The following HIPK1 variants were observed in gnomAD, a reference collection of about 807,000 sequenced individuals.
HIPK1 encodes homeodomain interacting protein kinase 1, also known as homeodomain-interacting protein kinase 1.
A neutral mutation model predicts 117.1 loss-of-function variants in HIPK1; 28 were observed. The observed-to-expected ratio is 0.24, with a 90% confidence interval of 0.18 to 0.33. The LOEUF is 0.33. Among genes scored for constraint, HIPK1 ranks in the 10% least tolerant of loss-of-function variants. HIPK1 has a pLI of 1.00. For missense variants in HIPK1, 1,122 were observed against 1,475.1 expected, an observed-to-expected ratio of 0.76 and a Z score of 3.92; for synonymous variants, 605 against 562.5, an observed-to-expected ratio of 1.08 and a Z score of -1.07.
At chr1:113,949,128 G>C (rs1348076766) in intron 2 of HIPK1, among the ~76,000 whole-genome samples, 1 of 152,194 alleles carries the variant, frequency 6.6e-6, no homozygotes, top group African/African-American at 2.4e-5. Context: ...GTGAGCCACC[G>C]CGCCTGGCCT....
intron 8 of HIPK1, among the ~76,000 whole-genome samples, chr1:113,959,317 A>T (rs1671937140): frequency 6.6e-6 from 1 of 152,066 alleles, no homozygotes; most frequent in African/African-American, 2.4e-5. Flanking sequence ...AGAGATTACC[A>T]GGAGGACAGG....
intron 1 of HIPK1, among the ~76,000 whole-genome samples, chr1:113,931,151 T>C (rs1669866516): frequency 6.6e-6 from 1 of 150,378 alleles, no homozygotes; most frequent in Non-Finnish European, 1.5e-5. Context: ...AAGCTATTTT[T>C]GATCTCTGGT....
At chr1:113,968,808 G>A (rs1672631429) in intron 13 of HIPK1, among the ~76,000 whole-genome samples, 160 bp downstream of exon 13, 1 of 152,190 alleles carries the variant, frequency 6.6e-6, no homozygotes, top group Admixed American at 6.5e-5. Context: ...ATCACCTGAG[G>A]TGAGGAGTTC....
chr1:113,976,180 T>A lies in HIPK1; in HGVS notation c.*2668T>A, dbSNP rs1383077651. ...GTCCGTACAGCCTACCAGGAACATGTTGTGTTTTCTTTATTTTTTAAAATC... is the reference window on the plus strand; with the variant it reads ...GTCCGTACAGCCTACCAGGAACATGATGTGTTTTCTTTATTTTTTAAAATC... On this transcript the variant is annotated 3_prime_UTR_variant, in exon 16 of 16. Transcript: ENST00000426820. The A allele has an allele frequency of 6.5e-6, 1 of 152,758 alleles. No homozygotes were observed. The highest frequency in any genetic ancestry group is 2.4e-5 in the African/African-American group (1 of 41,454). 9.5% of individuals were successfully genotyped at this position (152,758 alleles called of 1,614,324 possible). A position where few individuals can be genotyped will look rare whatever the true frequency, so the allele number is the denominator to read the frequency against.
chr1:113,929,514 C>A lies in HIPK1; in HGVS notation c.-21C>A, dbSNP rs1225444067. The stretch of plus-strand genomic sequence containing the variant: ...ATGCGATCGTCCTAGAGAGTCCATT[C>A]AGCTGCACTTCCGCCTCAGTAGGTG... On this transcript the variant is annotated 5_prime_UTR_variant, in exon 1 of 16. Transcript: ENST00000426820. 1 of 1,289,130 alleles carries A rather than the reference C, an allele frequency of 7.8e-7. No individual in the cohort carries two copies. Among genetic ancestry groups the A allele is most frequent in the South Asian group, 1.2e-5 (1 of 81,040 alleles). The allele number at this position is 1,289,130 out of a possible 1,614,324, so 79.9% of individuals were successfully genotyped here.
chr1:113,932,385 T>A (rs1669956417), intron 1 of HIPK1, among the ~76,000 whole-genome samples: 1 of 150,668 alleles, frequency 6.6e-6, no homozygotes, highest in South Asian at 2.1e-4. Flanking sequence ...TTTTTTTTTT[T>A]TTTTTTATTT....
rs745991566 is a variant in HIPK1 at position 113,940,502 on chromosome 1, A to G, written c.119A>G (p.Asp40Gly). The G allele has an allele frequency of 3.7e-6, 6 of 1,614,044 alleles. No individual in the cohort carries two copies. The East Asian group carries it at 1.1e-4, about 30-fold the overall frequency. The change falls in exon 2 of 16, where the codon GAC becomes GGC. Residue 40 changes from aspartate to glycine, a missense_variant. By Grantham distance (94) the Asp-to-Gly change is moderately conservative. Transcript: ENST00000426820. ...GATGTTTCAGGACAGAGTAGCAACG[A>G]CAAATATTATACCCACAGCAAAACC... ...GWDVSGQSSNDKYYTHSKTLP... is the reference protein window; with the variant it reads ...GWDVSGQSSNGKYYTHSKTLP...
intron 1 of HIPK1, among the ~76,000 whole-genome samples, chr1:113,932,809 G>A (rs1489781461): frequency 6.6e-6 from 1 of 151,922 alleles, no homozygotes; most frequent in Non-Finnish European, 1.5e-5. Context: ...TACTCTACAC[G>A]GTTTTTTATT....
At chr1:113,952,685 T>G in intron 2 of HIPK1, 81 bp from the exon 3 acceptor site, 2 of 1,085,684 alleles carry the variant, frequency 1.8e-6, no homozygotes, top group Non-Finnish European at 2.4e-6. Context: ...TAGCTAATAC[T>G]AAAACAGGAC....
chr1:113,936,767 TCA>T (rs1670277757), intron 1 of HIPK1, among the ~76,000 whole-genome samples: 1 of 152,222 alleles, frequency 6.6e-6, no homozygotes, highest in Non-Finnish European at 1.5e-5. Flanking sequence ...TGAATTCTTT[TCA>T]GTATTACTTT....
rs540272704 is a variant in HIPK1, at chr1:113,942,403, T to C, written c.1076+944T>C. 2.6e-5 allele frequency among the ~76,000 whole-genome samples: 4 copies of C among 152,352 alleles called. No individual in the cohort carries two copies. In the South Asian group the frequency reaches 8.3e-4, roughly 32 times the overall value. On this transcript the variant is annotated intron_variant, in intron 2 of 15. Coordinates refer to ENST00000426820, the MANE Select transcript of HIPK1 (RefSeq NM_198268.3). ...TGAAATACACAAAGATATTTACTTATTTGTAATGAATCTGAGCATATGTTG... is the reference window on the plus strand; with the variant it reads ...TGAAATACACAAAGATATTTACTTACTTGTAATGAATCTGAGCATATGTTG...
chr1:113,971,909 T>A lies in HIPK1; in HGVS notation c.3099T>A (p.Ala1033=). 6.2e-7 allele frequency: 1 copy of A among 1,607,736 alleles called. No individual in the cohort carries two copies. The highest frequency in any genetic ancestry group is 8.5e-7 in the Non-Finnish European group (1 of 1,177,410). Residue 1033 remains alanine, a synonymous_variant, in exon 15 of 16, where the codon GCT becomes GCA. Coordinates refer to ENST00000426820, the MANE Select transcript of HIPK1 (RefSeq NM_198268.3). The stretch of plus-strand genomic sequence containing the variant: ...GTATCACCCCCACAGGGTATCGAGC[T>A]CAACGCGGGGGGACCAGTGCAGCAC... ...GCCITPTGYR[A]QRGGTSAAQP...
Position 113,958,204 on chromosome 1 carries a change from G to C in HIPK1, c.1894G>C (p.Val632Leu), listed in dbSNP as rs1303182491. Reference sequence around the variant, plus strand: ...AGTTCCTGGAGTTGCCCAGCAGGGTGTTTCCTTGCAGCCTGGAACCACCCA... The same window carrying C: ...AGTTCCTGGAGTTGCCCAGCAGGGTCTTTCCTTGCAGCCTGGAACCACCCA... ...APVPGVAQQG[V>L]SLQPGTTQIC... The change falls in exon 8 of 16, where the codon GTT (valine) becomes CTT (leucine). Residue 632 changes from valine (V) to leucine (L), a missense_variant. Physicochemically the swap from Val to Leu is conservative, Grantham distance 32. Coordinates refer to ENST00000426820, the MANE Select transcript of HIPK1 (RefSeq NM_198268.3). 1.2e-6 allele frequency: 2 copies of C among 1,614,166 alleles called. No individual in the cohort carries two copies. The highest frequency in any genetic ancestry group is 4.5e-5 in the East Asian group (2 of 44,884).
intron 3 of HIPK1, among the ~76,000 whole-genome samples, chr1:113,953,572 C>T (rs374570137): frequency 1.2e-3 from 174 of 150,014 alleles, no homozygotes; most frequent in South Asian, 3.0e-3. Flanking sequence ...GGCTGGAGTG[C>T]AGTGGCGCGA....
Position 113,973,857 on chromosome 1 carries a change from T to A in HIPK1, c.*345T>A, listed in dbSNP as rs1017327381. 2.2e-5 allele frequency: 4 copies of A among 185,270 alleles called. No individual in the cohort carries two copies. The highest frequency in any genetic ancestry group is 2.3e-5 in the African/African-American group (1 of 42,866). 11.5% of individuals were successfully genotyped at this position (185,270 alleles called of 1,614,324 possible). A position where few individuals can be genotyped will look rare whatever the true frequency, so the allele number is the denominator to read the frequency against. On this transcript the variant is annotated 3_prime_UTR_variant, in exon 16 of 16. Transcript: ENST00000426820. Reference sequence around the variant, plus strand: ...AAAATATTTTGTCTCTCTGACTTGATTTCTATAAATGCTTTTAAAAACAAG... The same window carrying A: ...AAAATATTTTGTCTCTCTGACTTGAATTCTATAAATGCTTTTAAAAACAAG...
chr1:113,940,695 G>A lies in HIPK1; in HGVS notation c.312G>A (p.Gln104=). The change falls in exon 2 of 16, where the codon CAG becomes CAA. Residue 104 remains glutamine (Q), a synonymous_variant. Coordinates refer to ENST00000426820, the MANE Select transcript of HIPK1 (RefSeq NM_198268.3). ...SAATSTFQSS[Q]TLTHRSNVSL... Reference sequence around the variant, plus strand: ...CTACATCAACCTTCCAAAGCAGCCAGACCCTGACTCACAGAAGCAACGTTT... The same window carrying A: ...CTACATCAACCTTCCAAAGCAGCCAAACCCTGACTCACAGAAGCAACGTTT... 6.2e-7 allele frequency: 1 copy of A among 1,614,174 alleles called. No individual in the cohort carries two copies. Among genetic ancestry groups the A allele is most frequent in the Non-Finnish European group, 8.5e-7 (1 of 1,180,026 alleles).
intron 1 of HIPK1, among the ~76,000 whole-genome samples, chr1:113,938,288 C>CTT (rs1315545881): frequency 6.9e-6 from 1 of 144,378 alleles, no homozygotes; most frequent in Admixed American, 7.0e-5. Flanking sequence ...CTTTTCTTTT[C>CTT]TTTTTTTTTT....
chr1:113,959,381 A>G (rs984552067), intron 8 of HIPK1, among the ~76,000 whole-genome samples: 2 of 152,202 alleles, frequency 1.3e-5, no homozygotes, highest in African/African-American at 4.8e-5. Context: ...AGAGGGACAG[A>G]TTCAAAATCC....
chr1:113,956,422 A>G (rs1211045591), intron 5 of HIPK1, among the ~76,000 whole-genome samples: 1 of 152,014 alleles, frequency 6.6e-6, no homozygotes. Flanking sequence ...TTCTTCTACC[A>G]CTCAATTTAG....
Sources: gnomAD v4.1 joint callset for allele counts (sites outside exome capture counted in the v4.1 genomes callset) on GRCh38, gnomAD v4.1.1 for gene constraint, MANE v1.5 for transcripts, NCBI Gene and HGNC (gene_info 2026-07-23, HGNC 2026-07-21) for gene names.